The following CAMTA1 variants were observed in gnomAD, a reference collection of about 807,000 sequenced individuals.
The protein encoded by CAMTA1 is calmodulin-binding transcription activator 1.
Under a neutral mutation model 170.9 loss-of-function variants are expected in CAMTA1, and 27 were observed. The ratio of observed to expected loss-of-function variants is 0.16; its 90% CI spans 0.12 to 0.22. The LOEUF (loss-of-function observed/expected upper bound fraction) is 0.22, where lower values mean the gene tolerates loss of function less well. Among genes scored for constraint, CAMTA1 ranks in the 10% least tolerant of loss-of-function variants. CAMTA1 has a pLI of 1.00. For synonymous variants in CAMTA1, 833 were observed against 891.5 expected (o/e 0.93, Z 1.17); for missense variants, 1,619 against 2,217.2 (o/e 0.73, Z 5.42).
At position 7,276,303 on chromosome 1, in the gene CAMTA1, A is replaced by ATATT; in HGVS notation, c.438+26678_438+26679insATTT. Among the ~76,000 whole-genome samples, 8 of 24,230 alleles carry ATATT rather than the reference A, an allele frequency of 3.3e-4. No individual in the cohort carries two copies. The South Asian group carries it at 9.5e-3, about 29-fold the overall frequency. 15.9% of individuals were successfully genotyped at this position (24,230 alleles called of 152,430 possible). ...CATATATATATATATATATATATAT[A>ATATT]TTTTTTTTTTTTTTTTTTCTTTTTG... On this transcript the variant is annotated intron_variant, in intron 5 of 22. Transcript: ENST00000303635.
intron 3 of CAMTA1, among the ~76,000 whole-genome samples, chr1:6,826,525 A>G (rs1433050032): frequency 1.3e-5 from 2 of 152,216 alleles, no homozygotes; most frequent in African/African-American, 4.8e-5. Context: ...AAGCCATTTA[A>G]TAAGTCGGAA....
chr1:7,564,265 C>G (rs2095004245), intron 6 of CAMTA1, among the ~76,000 whole-genome samples: 1 of 152,234 alleles, frequency 6.6e-6, no homozygotes, highest in Non-Finnish European at 1.5e-5. Context: ...GCAAGAGTCT[C>G]TCCCTGAGGA....
chr1:7,520,380 C>G, intron 6 of CAMTA1, among the ~76,000 whole-genome samples: 1 of 147,372 alleles, frequency 6.8e-6, no homozygotes, highest in Non-Finnish European at 1.5e-5. Flanking sequence ...GATGTGTGGA[C>G]AGGCGCTGGG....
chr1:7,745,333 C>T (rs545307148), intron 17 of CAMTA1, among the ~76,000 whole-genome samples: 2 of 152,194 alleles, frequency 1.3e-5, no homozygotes, highest in Non-Finnish European at 2.9e-5. Flanking sequence ...TTGAGACCAG[C>T]CTGGCCAACA....
chr1:7,696,640 C>A (rs2096380270), intron 11 of CAMTA1, among the ~76,000 whole-genome samples: 1 of 152,136 alleles, frequency 6.6e-6, no homozygotes, highest in African/African-American at 2.4e-5. Flanking sequence ...GGGTACACGG[C>A]ATCCTCTTTG....
intron 3 of CAMTA1, among the ~76,000 whole-genome samples, chr1:7,071,856 A>G (rs1157266669): frequency 2.0e-5 from 3 of 152,224 alleles, no homozygotes; most frequent in Admixed American, 6.5e-5. Flanking sequence ...CTGGGGGGCC[A>G]TTATCCAAAT....
chr1:7,710,020 G>T (rs912736070), intron 11 of CAMTA1, among the ~76,000 whole-genome samples: 1 of 152,150 alleles, frequency 6.6e-6, no homozygotes, highest in African/African-American at 2.4e-5. Flanking sequence ...CTATTCTGCT[G>T]TGATTCTTTT....
At chr1:7,085,794 T>A (rs1425743186) in intron 3 of CAMTA1, among the ~76,000 whole-genome samples, 1 of 152,228 alleles carries the variant, frequency 6.6e-6, no homozygotes, top group Non-Finnish European at 1.5e-5. Flanking sequence ...GCTCCTGACA[T>A]GGGCTTTGCA....
intron 5 of CAMTA1, among the ~76,000 whole-genome samples, chr1:7,259,949 C>G (rs1434696855): frequency 6.6e-6 from 1 of 152,162 alleles, no homozygotes; most frequent in Non-Finnish European, 1.5e-5. Flanking sequence ...TATTGAGTAC[C>G]TTTGGTGCCA....
chr1:7,487,697 G>T (rs2093635835), intron 6 of CAMTA1, among the ~76,000 whole-genome samples: 1 of 152,202 alleles, frequency 6.6e-6, no homozygotes, highest in Admixed American at 6.5e-5. Context: ...CTCAGTTCTT[G>T]ACTGAAGAGC....
rs1337516710 is a variant in CAMTA1, at chr1:7,655,114, CTATA to C, written c.665-6611_665-6608del. ...TATACACACACACCTATACACACAC[CTATA>C]CACACACCTCTATACACACAAACCC... On this transcript the variant is annotated intron_variant, in intron 7 of 22. Transcript: ENST00000303635. Among the ~76,000 whole-genome samples the C allele has an allele frequency of 5.7e-4, 13 of 22,950 alleles. 2 individuals carry two copies. The highest frequency in any genetic ancestry group is 2.5e-3 in the African/African-American group (13 of 5,244). 15.1% of individuals were successfully genotyped at this position (22,950 alleles called of 152,430 possible). A position where few individuals can be genotyped will look rare whatever the true frequency, so the allele number is the denominator to read the frequency against.
chr1:7,520,842 C>G (rs1469450738), intron 6 of CAMTA1, among the ~76,000 whole-genome samples: 1 of 152,158 alleles, frequency 6.6e-6, no homozygotes, highest in African/African-American at 2.4e-5. Context: ...CCCAGGTATC[C>G]ATAGAACCTT....
At chr1:7,047,796 G>C (rs1325065302) in intron 3 of CAMTA1, among the ~76,000 whole-genome samples, 1 of 151,388 alleles carries the variant, frequency 6.6e-6, no homozygotes, top group Non-Finnish European at 1.5e-5. Context: ...CTTGGTGGGT[G>C]GTGATGGTGG....
intron 4 of CAMTA1, among the ~76,000 whole-genome samples, chr1:7,174,848 G>A (rs754777307): frequency 4.6e-5 from 7 of 152,228 alleles, no homozygotes; most frequent in Admixed American, 2.0e-4. Context: ...TCCTCGTCAG[G>A]CAGGCAGCTT....
At chr1:7,644,509 C>T (rs2095789889) in intron 7 of CAMTA1, among the ~76,000 whole-genome samples, 2 of 152,166 alleles carry the variant, frequency 1.3e-5, no homozygotes, top group Non-Finnish European at 2.9e-5. Context: ...GTTGATGTGG[C>T]AGCCCCAGGG....
chr1:7,542,838 A>AGTGTGTGT (rs373719721), intron 6 of CAMTA1, among the ~76,000 whole-genome samples: 143 of 56,012 alleles, frequency 2.6e-3, no homozygotes, highest in Middle Eastern at 7.6e-3. Flanking sequence ...CCTAAAACAC[A>AGTGTGTGT]GTGTGTGTGT....
rs1489144968 is a variant in CAMTA1 at position 7,010,185 on chromosome 1, G to A, written c.235-81119G>A. ...GACACTGCTGCGAGGAGGGCTTCCT[G>A]GAGCTTGGGGAAGCTTCAGTCCAGA... On this transcript the variant is annotated intron_variant, in intron 3 of 22. Transcript: ENST00000303635. The surrounding 1 kb of genome is among the most constrained non-coding windows in gnomAD (Gnocchi z 4.4). 6.6e-6 allele frequency among the ~76,000 whole-genome samples: 1 copy of A among 152,220 alleles called. No homozygotes were observed. Among genetic ancestry groups the A allele is most frequent in the African/African-American group, 2.4e-5 (1 of 41,462 alleles).
At chr1:6,801,814 TAA>T (rs34313253) in intron 1 of CAMTA1, among the ~76,000 whole-genome samples, 6 of 141,450 alleles carry the variant, frequency 4.2e-5, no homozygotes, top group Admixed American at 7.1e-5. Flanking sequence ...AATCACACAT[TAA>T]AAAAAAAAAA....
chr1:7,392,763 A>G (rs1042269141), intron 5 of CAMTA1, among the ~76,000 whole-genome samples: 1 of 152,028 alleles, frequency 6.6e-6, no homozygotes, highest in African/African-American at 2.4e-5. Context: ...AGTCCCAGCT[A>G]CTTGGGAGGC....
Sources: gnomAD v4.1 joint callset for allele counts (sites outside exome capture counted in the v4.1 genomes callset) on GRCh38, gnomAD v4.1.1 for gene constraint, Gnocchi (gnomAD v3.1) non-coding constraint, MANE v1.5 for transcripts, NCBI Gene and HGNC (gene_info 2026-07-23, HGNC 2026-07-21) for gene names.